PLEK: variants seen among roughly 807,000 people sequenced by gnomAD.
PLEK encodes the protein platelet 47 kDa protein.
Under a neutral mutation model 43.9 loss-of-function variants are expected in PLEK, and 25 were observed. That is an observed-to-expected ratio of 0.57 (90% CI 0.41 to 0.79). The LOEUF is 0.79. Among genes scored for constraint, PLEK ranks in the 30% least tolerant of loss-of-function variants. The pLI, the probability that PLEK is intolerant of heterozygous loss-of-function variation, is 0.00. For synonymous variants in PLEK, 152 were observed against 144.4 expected, an observed-to-expected ratio of 1.05 and a Z score of -0.38; for missense variants, 396 against 413.3, an observed-to-expected ratio of 0.96 and a Z score of 0.36.
rs1011061540 is a variant in PLEK at position 68,394,142 on chromosome 2, C to T, written c.882C>T (p.Gly294=). ...CCCTGGGAGCAATTCACTTGAGAGG[C>T]TGTGTGGTGACTTCAGTGGAGAGCA... is the stretch of plus-strand genomic sequence containing the variant. The part of the protein sequence containing the change: ...EDPLGAIHLR[G]CVVTSVESNS... The change falls in exon 8 of 9, where the codon GGC becomes GGT. Residue 294 remains glycine (G), a synonymous_variant. Coordinates refer to ENST00000234313, the MANE Select transcript of PLEK (RefSeq NM_002664.3). 1.2e-6 allele frequency: 2 copies of T among 1,610,360 alleles called. No homozygotes were observed. Among genetic ancestry groups the T allele is most frequent in the East Asian group, 2.2e-5 (1 of 44,882 alleles).
intron 5 of PLEK, among the ~76,000 whole-genome samples, chr2:68,387,604 T>C (rs1311456653): frequency 2.0e-5 from 3 of 152,196 alleles, no homozygotes; most frequent in Non-Finnish European, 2.9e-5. Flanking sequence ...GTGAACCTGT[T>C]CTTAGGCCAT....
intron 2 of PLEK, 66 bp from the exon 3 acceptor site, chr2:68,380,657 T>A: frequency 1.3e-6 from 2 of 1,524,294 alleles, no homozygotes; most frequent in Non-Finnish European, 1.8e-6. Context: ...CAATGGCCTC[T>A]GCTTCATGAG....
chr2:68,385,428 C>T (rs1260700602), intron 4 of PLEK, among the ~76,000 whole-genome samples: 1 of 152,178 alleles, frequency 6.6e-6, no homozygotes, highest in Admixed American at 6.5e-5. Flanking sequence ...ACAATCAGTG[C>T]AGGTGATGTC....
intron 8 of PLEK, among the ~76,000 whole-genome samples, chr2:68,395,395 T>C (rs1043895199): frequency 1.3e-5 from 2 of 152,076 alleles, no homozygotes; most frequent in African/African-American, 4.8e-5. Flanking sequence ...AAATTTAGTT[T>C]GCCTGTAAAC....
chr2:68,368,775 C>A (rs1012533703), intron 1 of PLEK, among the ~76,000 whole-genome samples: 2 of 152,194 alleles, frequency 1.3e-5, no homozygotes, highest in Non-Finnish European at 2.9e-5. Flanking sequence ...CTCAAACCAG[C>A]CTAATTCCTA....
At chr2:68,372,752 G>GTA (rs1462747377) in intron 1 of PLEK, among the ~76,000 whole-genome samples, 2 of 151,876 alleles carry the variant, frequency 1.3e-5, no homozygotes, top group Non-Finnish European at 2.9e-5. Context: ...GTGTGTGTGT[G>GTA]TATATATATC....
At position 68,390,142 on chromosome 2, in the gene PLEK, T is replaced by G. The variant is rs78012587; in HGVS notation, c.762+1651T>G. ...AAATTGTGTGTGGGTAATGAGTGTC[T>G]GGATGTATTTTGAAGACAATAGGGA... On this transcript the variant is annotated intron_variant, in intron 6 of 8. Coordinates refer to ENST00000234313, the MANE Select transcript of PLEK (RefSeq NM_002664.3). Among the ~76,000 whole-genome samples, 1,050 of 152,308 alleles carry G rather than the reference T, an allele frequency of 6.9e-3. 8 individuals carry two copies. The highest frequency in any genetic ancestry group is 0.024 in the African/African-American group (1,008 of 41,560).
intron 1 of PLEK, among the ~76,000 whole-genome samples, chr2:68,365,898 A>AT (rs1558494053): frequency 6.6e-6 from 1 of 152,106 alleles, no homozygotes; most frequent in Non-Finnish European, 1.5e-5. Context: ...TTTAAAAAAA[A>AT]CCTTATCTTT....
intron 1 of PLEK, among the ~76,000 whole-genome samples, chr2:68,365,775 C>T (rs1290726469): frequency 6.6e-6 from 1 of 152,130 alleles, no homozygotes; most frequent in Admixed American, 6.5e-5. Flanking sequence ...TTAAATTCCA[C>T]TTCCCCTCAG....
chr2:68,366,363 G>A (rs1673275046), intron 1 of PLEK, among the ~76,000 whole-genome samples: 1 of 152,216 alleles, frequency 6.6e-6, no homozygotes, highest in South Asian at 2.1e-4. Context: ...ATTGCTGCCT[G>A]CTTCCATTTT....
intron 2 of PLEK, 88 bp downstream of exon 2, chr2:68,380,571 T>G: frequency 2.1e-6 from 3 of 1,455,128 alleles, no homozygotes; most frequent in South Asian, 1.3e-5. Flanking sequence ...GTGGTGCTCC[T>G]TGGGCTGGTC....
chr2:68,376,365 TA>T (rs1348840715), intron 1 of PLEK, among the ~76,000 whole-genome samples: 1 of 151,964 alleles, frequency 6.6e-6, no homozygotes, highest in African/African-American at 2.4e-5. Context: ...TTATCTTAAT[TA>T]AAAAAAATTC....
rs1673597636 is a variant in PLEK at position 68,380,788 on chromosome 2, G to C, written c.264G>C (p.Glu88Asp). ...TCTTCCAGGCAGCCTTCCTGGAGGA[G>C]AGAGATGCCTGGGTTCGGGATATCA... is the stretch of plus-strand genomic sequence containing the variant. ...DHFFQAAFLE[E>D]RDAWVRDIKK... The change falls in exon 3 of 9, where the codon GAG becomes GAC. Residue 88 changes from glutamate (E) to aspartate (D), a missense_variant. By Grantham distance (45) the Glu-to-Asp change is conservative (BLOSUM62 2). Coordinates refer to ENST00000234313, the MANE Select transcript of PLEK (RefSeq NM_002664.3). The C allele has an allele frequency of 1.2e-6, 2 of 1,614,022 alleles. No homozygotes were observed. Among genetic ancestry groups the C allele is most frequent in the Non-Finnish European group, 1.7e-6 (2 of 1,179,900 alleles).
chr2:68,391,907 T>C (rs1673866438), intron 6 of PLEK, among the ~76,000 whole-genome samples: 1 of 152,194 alleles, frequency 6.6e-6, no homozygotes, highest in South Asian at 2.1e-4. Flanking sequence ...CCATGACAGT[T>C]TAAAATCTGC....
chr2:68,395,882 T>C lies in PLEK; in HGVS notation c.*66T>C. 7.0e-7 allele frequency: 1 copy of C among 1,418,506 alleles called. No homozygotes were observed. The allele number at this position is 1,418,506 out of a possible 1,614,324, so 87.9% of individuals were successfully genotyped here. ...ATGGACAAGCTCAGTCCAGGACCTG[T>C]CCACTTCTGTGACAAATCAACGGGA... On this transcript the variant is annotated 3_prime_UTR_variant, in exon 9 of 9. Transcript: ENST00000234313.
At position 68,396,845 on chromosome 2, in the gene PLEK, TACA is replaced by T. The variant is rs1673972317; in HGVS notation, c.*1035_*1037del. ...GCCAGCTCACTGGATGATGGGTTAA[TACA>T]ACAACTGCACTGTAAGGACTCAGAG... is the stretch of plus-strand genomic sequence containing the variant. On this transcript the variant is annotated 3_prime_UTR_variant, in exon 9 of 9. Transcript: ENST00000234313. The T allele has an allele frequency of 6.6e-6, 1 of 152,268 alleles. No individual in the cohort carries two copies. The highest frequency in any genetic ancestry group is 1.5e-5 in the Non-Finnish European group (1 of 68,060). 9.4% of individuals were successfully genotyped at this position (152,268 alleles called of 1,614,324 possible).
intron 3 of PLEK, among the ~76,000 whole-genome samples, chr2:68,382,203 G>C (rs1673636941): frequency 6.6e-6 from 1 of 152,046 alleles, no homozygotes; most frequent in African/African-American, 2.4e-5. Flanking sequence ...ATGGACCCTA[G>C]GAACCTTTCA....
rs1245058575 is a variant in PLEK, at chr2:68,396,225, T to C, written c.*409T>C. 5.9e-6 allele frequency: 1 copy of C among 169,262 alleles called. No homozygotes were observed. Among genetic ancestry groups the C allele is most frequent in the Non-Finnish European group, 1.3e-5 (1 of 77,132 alleles). 10.5% of individuals were successfully genotyped at this position (169,262 alleles called of 1,614,324 possible). ...TATCTAGTTGTTCTGCTGGTGTCCT[T>C]CCTTGGCTAAGTCTTGGCCTTCAGT... On this transcript the variant is annotated 3_prime_UTR_variant, in exon 9 of 9. Transcript: ENST00000234313.
At chr2:68,383,151 C>T (rs986050737) in intron 4 of PLEK, among the ~76,000 whole-genome samples, 1 of 152,196 alleles carries the variant, frequency 6.6e-6, no homozygotes, top group African/African-American at 2.4e-5. Context: ...AGTTATAAAA[C>T]CTTGGCTCAA....
Sources: allele counts gnomAD v4.1 joint callset (sites outside exome capture counted in the v4.1 genomes callset), GRCh38; gene constraint gnomAD v4.1.1; transcripts MANE v1.5; gene names NCBI Gene and HGNC (gene_info 2026-07-23, HGNC 2026-07-21).